INTS13: variants seen among roughly 807,000 people sequenced by gnomAD.
INTS13 encodes asunder, spermatogenesis regulator homolog (Drosphila).
A neutral mutation model predicts 90.2 loss-of-function variants in INTS13; 35 were observed. The observed-to-expected ratio is 0.39, with a 90% CI of 0.30 to 0.51. INTS13 has a LOEUF of 0.51. Ranked by LOEUF, INTS13 falls within the 20% of genes least tolerant of loss-of-function variation. The pLI is 0.80. For synonymous variants in INTS13, 309 were observed against 277.1 expected, an observed-to-expected ratio of 1.11 and a Z score of -1.14; for missense variants, 601 against 851.2, an observed-to-expected ratio of 0.71 and a Z score of 3.66.
intron 8 of INTS13, chr12:26,918,972 TG>T: frequency 3.6e-6 from 1 of 277,122 alleles, no homozygotes; most frequent in Non-Finnish European, 7.9e-6. Flanking sequence ...GAAACTAGCC[TG>T]GGCAACATAG....
intron 2 of INTS13, among the ~76,000 whole-genome samples, chr12:26,934,892 G>A (rs1938381669): frequency 6.6e-6 from 1 of 152,140 alleles, no homozygotes; most frequent in African/African-American, 2.4e-5. Flanking sequence ...AGGCACTGCG[G>A]GAAGAATACA....
rs146727269 is a variant in INTS13, at chr12:26,933,058, A to G, written c.300+1498T>C. 4.0e-3 allele frequency among the ~76,000 whole-genome samples: 610 copies of G among 152,366 alleles called. 5 individuals are homozygous for G. The highest frequency in any genetic ancestry group is 0.013 in the African/African-American group (547 of 41,592). ...AATACCTGCAGGTAAAATTACACCC[A>G]TAAAACAAGAAAAGGATATGACAAA... On this transcript the variant is annotated intron_variant, in intron 3 of 16. Coordinates refer to ENST00000261191, the MANE Select transcript of INTS13 (RefSeq NM_018164.3).
Position 26,929,597 on chromosome 12 carries a change from G to T in INTS13, c.301-692C>A, listed in dbSNP as rs140853790. 8.5e-3 allele frequency among the ~76,000 whole-genome samples: 1,296 copies of T among 151,844 alleles called. 22 individuals are homozygous for T. Among genetic ancestry groups the T allele is most frequent in the African/African-American group, 0.03 (1,228 of 41,436 alleles). On this transcript the variant is annotated intron_variant, in intron 3 of 16. Transcript: ENST00000261191. ...AAAAAAACTAAAAAATCAGCTAGGT[G>T]GGGTGATGTACACCCATAGTCCTAG...
At chr12:26,909,908 T>G (rs1565816668) in intron 15 of INTS13, among the ~76,000 whole-genome samples, 1 of 152,140 alleles carries the variant, frequency 6.6e-6, no homozygotes, top group Non-Finnish European at 1.5e-5. Flanking sequence ...CTGGTTCTAC[T>G]GCCTTAGGAG....
intron 3 of INTS13, 99 bp downstream of exon 3, chr12:26,934,457 G>A (rs1357071803): frequency 1.1e-6 from 1 of 880,720 alleles, no homozygotes; most frequent in East Asian, 2.4e-5. Flanking sequence ...AACACTATAT[G>A]CAAATCCTAG....
chr12:26,932,383 C>T (rs572014485), intron 3 of INTS13, among the ~76,000 whole-genome samples: 3 of 152,284 alleles, frequency 2.0e-5, no homozygotes, highest in Admixed American at 6.5e-5. Flanking sequence ...ATACTAAAAA[C>T]GTCAATAGCT....
rs548295988 is a variant in INTS13, at chr12:26,911,254, C to A, written c.1869G>T (p.Ser623=). The change falls in exon 15 of 17, where the codon TCG becomes TCT. Residue 623 remains serine, a synonymous_variant. Coordinates refer to ENST00000261191, the MANE Select transcript of INTS13 (RefSeq NM_018164.3). ...TGTTTGGAGGTTCTGGGGAATCAGG[C>A]GAATCTTTTATAATCTCAGCTTCAG... ...ELAEAEIIKD[S]PDSPEPPNKK... 2.5e-6 allele frequency: 4 copies of A among 1,613,840 alleles called. No individual in the cohort carries two copies. Among genetic ancestry groups the A allele is most frequent in the Non-Finnish European group, 3.4e-6 (4 of 1,179,834 alleles).
intron 4 of INTS13, 65 bp from the exon 5 acceptor site, chr12:26,928,350 C>G: frequency 2.4e-6 from 3 of 1,261,454 alleles, no homozygotes; most frequent in South Asian, 1.2e-5. Flanking sequence ...ATTCAAAACA[C>G]TCTTCCGCTT....
At chr12:26,925,040 A>G (rs185463714) in intron 6 of INTS13, among the ~76,000 whole-genome samples, 300 of 152,276 alleles carry the variant, frequency 2.0e-3, no homozygotes, top group African/African-American at 7.0e-3. Context: ...CATTATCATA[A>G]AATAAAACTA....
intron 2 of INTS13, 64 bp downstream of exon 2, chr12:26,936,515 A>C (rs1938469573): frequency 8.3e-7 from 1 of 1,208,180 alleles, no homozygotes; most frequent in African/African-American, 1.5e-5. Context: ...AATTCATATA[A>C]AAATTCATTT....
chr12:26,912,466 A>T (rs1016427958), intron 14 of INTS13, among the ~76,000 whole-genome samples: 10 of 152,224 alleles, frequency 6.6e-5, no homozygotes, highest in South Asian at 6.2e-4. Flanking sequence ...AATTAATTTT[A>T]AAAAAAGTGA....
At chr12:26,917,831 AT>A in intron 8 of INTS13, 98 bp from the exon 9 acceptor site, 24 of 898,630 alleles carry the variant, frequency 2.7e-5, no homozygotes, top group Middle Eastern at 3.5e-4. Flanking sequence ...AATTTAAAAA[AT>A]AATAAAAGCG....
At chr12:26,936,514 A>G in intron 2 of INTS13, 65 bp downstream of exon 2, 1 of 1,109,556 alleles carries the variant, frequency 9.0e-7, no homozygotes, top group Non-Finnish European at 1.3e-6. Flanking sequence ...AAATTCATAT[A>G]AAAATTCATT....
At chr12:26,920,684 C>T (rs1264373177) in intron 8 of INTS13, among the ~76,000 whole-genome samples, 3 of 152,058 alleles carry the variant, frequency 2.0e-5, no homozygotes, top group Admixed American at 2.0e-4. Context: ...TGAGCCACTG[C>T]GCCTGGCCCA....
In INTS13 at chr12:26,936,775, G is replaced by A. The variant is rs1310472262; in HGVS notation, c.29C>T (p.Thr10Ile). The A allele has an allele frequency of 6.2e-7, 1 of 1,613,670 alleles. No homozygotes were observed. Among genetic ancestry groups the A allele is most frequent in the Non-Finnish European group, 8.5e-7 (1 of 1,179,716 alleles). Reference sequence around the variant, plus strand: ...AGGGCAGTGATCCACAACAAACACTGTTTTATGAGATTCAGAAAAAATCTT... The same window carrying A: ...AGGGCAGTGATCCACAACAAACACTATTTTATGAGATTCAGAAAAAATCTT... MKIFSESHK[T>I]VFVVDHCPYM... Residue 10 changes from threonine (T) to isoleucine (I), a missense_variant, in exon 2 of 17, where the codon ACA becomes ATA. By Grantham distance (89) the Thr-to-Ile change is moderately conservative. This residue lies in a region of INTS13 where 284 missense variants were observed against 387.7 expected (regional missense o/e 0.73). Transcript: ENST00000261191.
chr12:26,927,716 A>G (rs1412301741), intron 5 of INTS13, among the ~76,000 whole-genome samples: 1 of 152,180 alleles, frequency 6.6e-6, no homozygotes, highest in Non-Finnish European at 1.5e-5. Context: ...CCCAGGCTCA[A>G]GCAATTTTCC....
rs1488052 is a variant in INTS13, at chr12:26,906,291, G to A, written c.2081+11C>T. The A allele has an allele frequency of 0.79, 1,260,699 of 1,590,720 alleles. 502,163 individuals carry two copies. Among genetic ancestry groups the A allele is most frequent in the East Asian group, 1 (44,405 of 44,426 alleles). On this transcript the variant is annotated intron_variant, in intron 16 of 16. Coordinates refer to ENST00000261191, the MANE Select transcript of INTS13 (RefSeq NM_018164.3). ...TTGACAAAACCAATTTTGACAATAA[G>A]TAACACAAACCCATTTTCCTCTTTA...
intron 8 of INTS13, 69 bp from the exon 9 acceptor site, chr12:26,917,802 A>C: frequency 1.0e-6 from 1 of 965,812 alleles, no homozygotes; most frequent in South Asian, 1.3e-5. Flanking sequence ...TATCCCATAA[A>C]TATGTACAAT....
intron 15 of INTS13, among the ~76,000 whole-genome samples, chr12:26,907,068 C>T (rs982442797): frequency 1.3e-5 from 2 of 152,198 alleles, no homozygotes; most frequent in Non-Finnish European, 2.9e-5. Flanking sequence ...GCCAAACCTG[C>T]AAGCAGGCTT....
Sources: allele counts gnomAD v4.1 joint callset (sites outside exome capture counted in the v4.1 genomes callset), GRCh38; gene constraint gnomAD v4.1.1; regional missense constraint gnomAD v4.1.1; transcripts MANE v1.5; gene names NCBI Gene and HGNC (gene_info 2026-07-23, HGNC 2026-07-21).